Variants in DAB1 observed in about 807,000 individuals in gnomAD.
DAB1 encodes the protein DAB adaptor protein 1.
DAB1 carries 15 observed loss-of-function variants against 64.6 expected under a neutral mutation model. The ratio of observed to expected loss-of-function variants is 0.23; its 90% CI spans 0.16 to 0.36. DAB1 has a LOEUF of 0.36. DAB1 is among the 10% of genes least tolerant of loss of function. The pLI, the probability that DAB1 is intolerant of heterozygous loss-of-function variation, is 1.00. For synonymous variants in DAB1, 235 were observed against 251.9 expected, an observed-to-expected ratio of 0.93 and a Z score of 0.64; for missense variants, 596 against 706.7, an observed-to-expected ratio of 0.84 and a Z score of 1.78.
intron 6 of DAB1, among the ~76,000 whole-genome samples, chr1:57,801,323 C>T (rs1651113383): frequency 6.6e-6 from 1 of 152,108 alleles, no homozygotes; most frequent in African/African-American, 2.4e-5. Flanking sequence ...CTAGGTTATC[C>T]ACGGGTATGT....
chr1:58,503,584 G>A (rs903777558), intron 3 of DAB1, among the ~76,000 whole-genome samples: 5 of 152,024 alleles, frequency 3.3e-5, no homozygotes, highest in Non-Finnish European at 5.9e-5. Context: ...TTTGGGAGGC[G>A]ATTGTCATAA....
chr1:57,501,354 G>C (rs1354195212), intron 7 of DAB1, among the ~76,000 whole-genome samples: 1 of 152,180 alleles, frequency 6.6e-6, no homozygotes, highest in African/African-American at 2.4e-5. Flanking sequence ...GGCCATCTTG[G>C]ACCTTTCAGC....
At chr1:57,695,339 A>G (rs537487578) in intron 6 of DAB1, among the ~76,000 whole-genome samples, 2 of 125,104 alleles carry the variant, frequency 1.6e-5, no homozygotes, top group African/African-American at 6.0e-5. Context: ...AAAGAAAGAA[A>G]GAAAGAAAGA....
intron 7 of DAB1, among the ~76,000 whole-genome samples, chr1:57,556,359 T>C (rs1028813396): frequency 4.6e-5 from 7 of 152,180 alleles, no homozygotes; most frequent in Non-Finnish European, 2.9e-5. Flanking sequence ...TCCACACTGT[T>C]TTCCATAGTG....
intron 4 of DAB1, among the ~76,000 whole-genome samples, chr1:57,106,266 C>CCA (rs1553142608): frequency 2.0e-5 from 3 of 151,164 alleles, no homozygotes; most frequent in Admixed American, 6.6e-5. Flanking sequence ...CACCCCCCCC[C>CCA]ATCAGTATTA....
At chr1:58,343,279 G>GGATGGATA (rs138863113) in intron 4 of DAB1, 1 of 151,480 alleles carries the variant, frequency 6.6e-6, no homozygotes, top group Non-Finnish European at 1.5e-5. Context: ...ATGGATGGAT[G>GGATGGATA]GATGGATAGA....
At chr1:58,490,292 A>G (rs1024309441) in intron 3 of DAB1, among the ~76,000 whole-genome samples, 8 of 152,250 alleles carry the variant, frequency 5.3e-5, no homozygotes, top group African/African-American at 1.9e-4. Flanking sequence ...CTACGTGACG[A>G]ATGCACAAGC....
At position 57,910,502 on chromosome 1, in the gene DAB1, TAACA is replaced by T. The variant is rs531680160; in HGVS notation, n.388-26344_388-26341del. On this transcript the variant is annotated intron_variant and non_coding_transcript_variant, in intron 5 of 20. Transcript: ENST00000485760. ...CTATTTTTTTTTCCACTTTCTATTTTAACAAACAGTCAACTGTGTGCTGCATGTA... is the reference window on the plus strand; with the variant it reads ...CTATTTTTTTTTCCACTTTCTATTTTAACAGTCAACTGTGTGCTGCATGTA... 1.4e-3 allele frequency among the ~76,000 whole-genome samples: 218 copies of T among 152,312 alleles called. 1 individual carries two copies. The highest frequency in any genetic ancestry group is 4.7e-3 in the African/African-American group (197 of 41,572).
intron 3 of DAB1, among the ~76,000 whole-genome samples, chr1:58,500,811 G>C (rs1410971650): frequency 6.6e-6 from 1 of 152,130 alleles, no homozygotes; most frequent in Non-Finnish European, 1.5e-5. Context: ...TGGAGAATAA[G>C]AAATTCAGTC....
At chr1:57,422,588 C>A (rs1247749279) in intron 1 of DAB1, among the ~76,000 whole-genome samples, 4 of 151,806 alleles carry the variant, frequency 2.6e-5, no homozygotes, top group African/African-American at 9.7e-5. Flanking sequence ...CTCCACTCCG[C>A]CCGCCGCCAA....
chr1:57,811,615 G>A (rs568770927), intron 6 of DAB1, among the ~76,000 whole-genome samples: 1 of 152,278 alleles, frequency 6.6e-6, no homozygotes, highest in African/African-American at 2.4e-5. Flanking sequence ...ATGGACGAAT[G>A]CAGTAACATT....
intron 7 of DAB1, among the ~76,000 whole-genome samples, chr1:57,480,760 T>C (rs1042769813): frequency 3.3e-5 from 5 of 152,050 alleles, no homozygotes; most frequent in Non-Finnish European, 7.4e-5. Context: ...GTTGCGATTA[T>C]AGGCATGAGC....
chr1:58,490,882 A>G (rs1346646279), intron 3 of DAB1, among the ~76,000 whole-genome samples: 2 of 134,878 alleles, frequency 1.5e-5, no homozygotes, highest in African/African-American at 5.5e-5. Context: ...CTCGGCTCAC[A>G]GCAAGCTCTG....
chr1:57,015,563 T>G lies in DAB1; in HGVS notation c.896-132A>C, dbSNP rs562423004. 20 of 792,406 alleles carry G rather than the reference T, an allele frequency of 2.5e-5. 1 individual carries two copies. In the Middle Eastern group the frequency reaches 1.1e-3, roughly 45 times the overall value. The allele number at this position is 792,406 out of a possible 1,614,324, so 49.1% of individuals were successfully genotyped here. A position where few individuals can be genotyped will look rare whatever the true frequency, so the allele number is the denominator to read the frequency against. ...CAGACTGTGTGCCAGGGACTGGGGA[T>G]GCCAAGATGAACAAGACAAAGTCCT... On this transcript the variant is annotated intron_variant, in intron 11 of 14. Transcript: ENST00000371236.
chr1:57,105,568 G>A (rs1290325593), intron 4 of DAB1, among the ~76,000 whole-genome samples: 1 of 152,172 alleles, frequency 6.6e-6, no homozygotes, highest in Non-Finnish European at 1.5e-5. Context: ...CATTCACGAT[G>A]CAGAGATCTA....
chr1:57,973,557 C>T lies in DAB1; in HGVS notation n.388-89395G>A, dbSNP rs188837930. 4.3e-4 allele frequency among the ~76,000 whole-genome samples: 66 copies of T among 152,216 alleles called. 1 individual carries two copies. Among genetic ancestry groups the T allele is most frequent in the African/African-American group, 1.5e-3 (61 of 41,538 alleles). The stretch of plus-strand genomic sequence containing the variant: ...TTTAAGTACACAAAGCCCTTAAACA[C>T]AACAGATACATCTCCCTGAAAATGA... On this transcript the variant is annotated intron_variant and non_coding_transcript_variant, in intron 5 of 20. Coordinates refer to the DAB1 transcript ENST00000485760.
chr1:58,382,048 T>C (rs1348165281), intron 3 of DAB1, among the ~76,000 whole-genome samples: 1 of 152,228 alleles, frequency 6.6e-6, no homozygotes, highest in African/African-American at 2.4e-5. Context: ...TGACTTTAGC[T>C]CTGCTTTGAG....
chr1:57,519,262 C>T (rs1249776353), intron 7 of DAB1, among the ~76,000 whole-genome samples: 1 of 152,112 alleles, frequency 6.6e-6, no homozygotes, highest in Non-Finnish European at 1.5e-5. Flanking sequence ...AGCTGAGGCA[C>T]AGGGAAGTAA....
At chr1:57,464,592 T>G (rs1231962895) in intron 7 of DAB1, among the ~76,000 whole-genome samples, 1 of 152,162 alleles carries the variant, frequency 6.6e-6, no homozygotes, top group Non-Finnish European at 1.5e-5. Context: ...GCAAAGAGCT[T>G]GGCACACAGA....
Sources: allele counts gnomAD v4.1 joint callset (sites outside exome capture counted in the v4.1 genomes callset), GRCh38; gene constraint gnomAD v4.1.1; transcripts MANE v1.5; gene names NCBI Gene and HGNC (gene_info 2026-07-23, HGNC 2026-07-21).